TMTC1: variants seen among roughly 807,000 people sequenced by gnomAD.
TMTC1 encodes the protein protein O-mannosyl-transferase TMTC1.
In TMTC1, 73 loss-of-function variants were observed where a neutral mutation model predicts 104.8. That is an observed-to-expected ratio of 0.70 (90% confidence interval 0.58 to 0.85). The LOEUF is 0.85. Ranked by LOEUF, TMTC1 falls within the 40% of genes least tolerant of loss-of-function variation. The pLI is 0.00. For missense variants in TMTC1, 1,035 were observed against 1,096.1 expected, an observed-to-expected ratio of 0.94 and a Z score of 0.79; for synonymous variants, 434 against 428.7, an observed-to-expected ratio of 1.01 and a Z score of -0.15.
At chr12:29,580,742 C>T (rs1945956450) in intron 8 of TMTC1, among the ~76,000 whole-genome samples, 1 of 152,192 alleles carries the variant, frequency 6.6e-6, no homozygotes. Context: ...ATACTCAGCT[C>T]AGACCTACAA....
At chr12:29,588,851 A>G (rs1946208089) in intron 7 of TMTC1, among the ~76,000 whole-genome samples, 1 of 152,178 alleles carries the variant, frequency 6.6e-6, no homozygotes, top group Non-Finnish European at 1.5e-5. Flanking sequence ...TGAAAACACT[A>G]AAGAAAAAGG....
intron 5 of TMTC1, among the ~76,000 whole-genome samples, chr12:29,710,414 A>C (rs1222681559): frequency 6.6e-6 from 1 of 151,918 alleles, no homozygotes; most frequent in African/African-American, 2.4e-5. Flanking sequence ...GTGGCTGAGA[A>C]ACCAAATAAG....
intron 10 of TMTC1, among the ~76,000 whole-genome samples, chr12:29,543,951 A>C (rs10771549): frequency 0.22 from 33,227 of 152,070 alleles, 3,779 homozygotes; most frequent in East Asian, 0.38. Flanking sequence ...AAGAATTTTA[A>C]AAAATATTTT....
Position 29,751,833 on chromosome 12 carries a change from G to A in TMTC1, c.771C>T (p.Pro257=), listed in dbSNP as rs369978386. Residue 257 remains proline (P), a synonymous_variant, in exon 5 of 18, where the codon CCC becomes CCT. Coordinates refer to ENST00000539277, the MANE Select transcript of TMTC1 (RefSeq NM_001193451.2). ...GCAGTGAGGAGGGCTGGGGGCTCCC[G>A]GGCTGCTGTGGGCTGCGTGGACAGA... The part of the protein sequence containing the change: ...GALCPRSPQQ[P]GSPQPSSLPG... 1.7e-4 allele frequency: 263 copies of A among 1,591,732 alleles called. No homozygotes were observed. Among genetic ancestry groups the A allele is most frequent in the Non-Finnish European group, 1.8e-4 (206 of 1,168,922 alleles).
At chr12:29,740,857 C>T (rs1300330088) in intron 5 of TMTC1, among the ~76,000 whole-genome samples, 1 of 152,050 alleles carries the variant, frequency 6.6e-6, no homozygotes. Flanking sequence ...CCCAGAGAGG[C>T]AAAAATATAA....
At chr12:29,757,834 T>C (rs916609454) in intron 3 of TMTC1, among the ~76,000 whole-genome samples, 1 of 152,114 alleles carries the variant, frequency 6.6e-6, no homozygotes, top group African/African-American at 2.4e-5. Flanking sequence ...GCAGGGAATC[T>C]CCCATTTTTA....
chr12:29,776,532 A>G (rs1943711819), intron 1 of TMTC1, among the ~76,000 whole-genome samples: 1 of 152,250 alleles, frequency 6.6e-6, no homozygotes, highest in African/African-American at 2.4e-5. Context: ...AGCAGTCACA[A>G]AAAGGATTTA....
chr12:29,702,648 G>A (rs1941628109), intron 5 of TMTC1, among the ~76,000 whole-genome samples: 1 of 152,262 alleles, frequency 6.6e-6, no homozygotes, highest in East Asian at 1.9e-4. Context: ...ACACTCAATG[G>A]GAACAGACTA....
chr12:29,500,891 G>A lies in TMTC1; in HGVS notation c.*5955C>T, dbSNP rs958595297. 8 of 152,462 alleles carry A rather than the reference G, an allele frequency of 5.2e-5. No homozygotes were observed. The highest frequency in any genetic ancestry group is 1.9e-4 in the African/African-American group (8 of 41,454). The allele number at this position is 152,462 out of a possible 1,614,324, so 9.4% of individuals were successfully genotyped here. The stretch of plus-strand genomic sequence containing the variant: ...TAGACATTTACATAAATTTAATTTT[G>A]GAAAGACCTAGGCAAAGTATACATC... On this transcript the variant is annotated 3_prime_UTR_variant, in exon 18 of 18. Transcript: ENST00000539277.
chr12:29,666,645 T>G (rs1323634300), intron 5 of TMTC1, among the ~76,000 whole-genome samples: 1 of 152,140 alleles, frequency 6.6e-6, no homozygotes, highest in Non-Finnish European at 1.5e-5. Flanking sequence ...AAAACCACTT[T>G]CCACTGGAAA....
chr12:29,587,081 G>C (rs1358230058), intron 7 of TMTC1, among the ~76,000 whole-genome samples: 1 of 152,018 alleles, frequency 6.6e-6, no homozygotes, highest in Non-Finnish European at 1.5e-5. Context: ...TTTTTTGGTT[G>C]GTAAGCTATT....
At chr12:29,560,104 G>T (rs145354071) in intron 9 of TMTC1, among the ~76,000 whole-genome samples, 123 of 152,294 alleles carry the variant, frequency 8.1e-4, no homozygotes, top group African/African-American at 2.1e-3. Flanking sequence ...GATGAATAAT[G>T]TAAGAGATGT....
chr12:29,682,538 T>G (rs1456336630), intron 5 of TMTC1, among the ~76,000 whole-genome samples: 2 of 152,196 alleles, frequency 1.3e-5, no homozygotes, highest in Admixed American at 6.5e-5. Flanking sequence ...CAAACTATAG[T>G]ACATCTGTAT....
chr12:29,529,085 C>T (rs896668437), intron 11 of TMTC1, among the ~76,000 whole-genome samples: 7 of 152,048 alleles, frequency 4.6e-5, no homozygotes, highest in African/African-American at 7.2e-5. Flanking sequence ...CACATTTAGT[C>T]GGCAAAGGAG....
At chr12:29,737,551 A>AG (rs1281668502) in intron 5 of TMTC1, among the ~76,000 whole-genome samples, 1 of 151,764 alleles carries the variant, frequency 6.6e-6, no homozygotes, top group Non-Finnish European at 1.5e-5. Context: ...GGGCGGCGGG[A>AG]GGGGGGAAGC....
intron 5 of TMTC1, among the ~76,000 whole-genome samples, chr12:29,737,859 A>G (rs1942722742): frequency 6.6e-6 from 1 of 152,100 alleles, no homozygotes; most frequent in Non-Finnish European, 1.5e-5. Context: ...CACGCTGTTT[A>G]CCTCCTGGCT....
intron 11 of TMTC1, among the ~76,000 whole-genome samples, chr12:29,526,126 C>T (rs11050271): frequency 0.19 from 28,943 of 152,002 alleles, 3,142 homozygotes; most frequent in East Asian, 0.38. Flanking sequence ...ATGAGTTTGA[C>T]CACCCAAATA....
At chr12:29,643,809 AT>A (rs1278884126) in intron 5 of TMTC1, among the ~76,000 whole-genome samples, 1 of 76,446 alleles carries the variant, frequency 1.3e-5, no homozygotes, top group Non-Finnish European at 2.2e-5. Flanking sequence ...ATATTTATAT[AT>A]TTATATATAT....
At chr12:29,693,577 T>A (rs1316432299) in intron 5 of TMTC1, among the ~76,000 whole-genome samples, 1 of 152,148 alleles carries the variant, frequency 6.6e-6, no homozygotes, top group Non-Finnish European at 1.5e-5. Context: ...TACTGTCTAC[T>A]TCTGTGAGAT....
Sources: gnomAD v4.1 joint callset for allele counts (sites outside exome capture counted in the v4.1 genomes callset) on GRCh38, gnomAD v4.1.1 for gene constraint, MANE v1.5 for transcripts, NCBI Gene and HGNC (gene_info 2026-07-23, HGNC 2026-07-21) for gene names.